Variants in IL1RAPL2 observed in about 807,000 individuals in gnomAD.
IL1RAPL2 encodes the protein interleukin 1 receptor accessory protein like 2, also known as X-linked interleukin-1 receptor accessory protein-like 2.
Under a neutral mutation model 44.1 loss-of-function variants are expected in IL1RAPL2, and 3 were observed. That is an observed-to-expected ratio of 0.07 (90% CI 0.03 to 0.18). The LOEUF (loss-of-function observed/expected upper bound fraction) is 0.18. IL1RAPL2 is among the 10% of genes least tolerant of loss of function. The probability of loss-of-function intolerance (pLI) is 1.00; values close to 1 mark genes in which losing one functional copy is unlikely to be tolerated. For synonymous variants in IL1RAPL2, 181 were observed against 178.8 expected, an observed-to-expected ratio of 1.01 and a Z score of -0.10; for missense variants, 391 against 496.4, an observed-to-expected ratio of 0.79 and a Z score of 2.02.
chrX:105,039,711 A>AT (rs1471655276), intron 2 of IL1RAPL2, among the ~76,000 whole-genome samples: 1 of 111,446 alleles, frequency 9.0e-6, no homozygotes, highest in African/African-American at 3.3e-5. Flanking sequence ...AATGCTTGTG[A>AT]TTTTTTGTAC....
intron 2 of IL1RAPL2, among the ~76,000 whole-genome samples, chrX:105,135,943 C>A (rs947008738): frequency 1.8e-5 from 2 of 111,593 alleles, no homozygotes; most frequent in African/African-American, 6.5e-5. Flanking sequence ...ACTAACTCTG[C>A]ATTTTGGCAC....
chrX:104,940,911 G>C (rs776977820), intron 2 of IL1RAPL2, among the ~76,000 whole-genome samples: 1 of 82,446 alleles, frequency 1.2e-5, no homozygotes, highest in South Asian at 7.0e-4. Flanking sequence ...GGTGTGTGAC[G>C]TTCCCCACCC....
At chrX:104,587,464 C>G (rs1928582662) in intron 1 of IL1RAPL2, among the ~76,000 whole-genome samples, 2 of 111,677 alleles carry the variant, frequency 1.8e-5, no homozygotes, top group Admixed American at 1.9e-4. Context: ...AATCACCCCA[C>G]TCTTAGAAAT....
chrX:105,667,200 T>A (rs770478303), intron 6 of IL1RAPL2, among the ~76,000 whole-genome samples: 11 of 111,810 alleles, frequency 9.8e-5, no homozygotes, highest in African/African-American at 3.6e-4. Flanking sequence ...AGAACAAAAT[T>A]AACGATAGTG....
intron 6 of IL1RAPL2, among the ~76,000 whole-genome samples, chrX:105,576,124 A>C (rs2037048719): frequency 1.8e-5 from 2 of 110,706 alleles, no homozygotes; most frequent in Admixed American, 1.9e-4. Flanking sequence ...TTGTCAGTTT[A>C]CTCTGTTGAT....
chrX:105,700,178 A>T (rs1401438978), intron 6 of IL1RAPL2, among the ~76,000 whole-genome samples: 1 of 111,456 alleles, frequency 9.0e-6, no homozygotes, highest in Non-Finnish European at 1.9e-5. Flanking sequence ...GTTCAGTAAG[A>T]GTCACTTTTT....
intron 2 of IL1RAPL2, among the ~76,000 whole-genome samples, chrX:104,947,849 G>A (rs1925432062): frequency 8.9e-6 from 1 of 112,067 alleles, no homozygotes; most frequent in African/African-American, 3.2e-5. Context: ...GTCAGGTAGT[G>A]TGATGCCTCC....
intron 1 of IL1RAPL2, among the ~76,000 whole-genome samples, chrX:104,655,243 T>G (rs1427275862): frequency 1.8e-5 from 2 of 111,556 alleles, no homozygotes; most frequent in African/African-American, 6.5e-5. Flanking sequence ...GGCATCCCTG[T>G]TGTGCCAGTT....
intron 2 of IL1RAPL2, among the ~76,000 whole-genome samples, chrX:104,997,973 A>C (rs1451567012): frequency 9.0e-6 from 1 of 111,242 alleles, no homozygotes; most frequent in African/African-American, 3.3e-5. Flanking sequence ...TAAATTTAGG[A>C]TTCCTAAGCA....
At chrX:105,265,127 A>G (rs2034392072) in intron 4 of IL1RAPL2, among the ~76,000 whole-genome samples, 1 of 112,315 alleles carries the variant, frequency 8.9e-6, no homozygotes, top group African/African-American at 3.2e-5. Context: ...TTAATTGCAT[A>G]TGGACTTTCC....
chrX:104,906,267 T>C (rs1204045996), intron 2 of IL1RAPL2, among the ~76,000 whole-genome samples: 2 of 111,270 alleles, frequency 1.8e-5, no homozygotes, highest in Non-Finnish European at 1.9e-5. Context: ...CAATTTGACT[T>C]CCTCTTTTCC....
intron 2 of IL1RAPL2, among the ~76,000 whole-genome samples, chrX:105,073,524 T>C (rs1280591889): frequency 9.0e-6 from 1 of 111,004 alleles, no homozygotes; most frequent in Admixed American, 9.7e-5. Flanking sequence ...TGTGTCTTTA[T>C]AGCAGCATGA....
intron 2 of IL1RAPL2, among the ~76,000 whole-genome samples, chrX:105,036,701 A>G (rs1419835949): frequency 8.9e-6 from 1 of 112,131 alleles, no homozygotes; most frequent in East Asian, 2.8e-4. Context: ...AATAACCCAC[A>G]TGTTCAAGAA....
At chrX:105,607,254 C>T (rs2037300179) in intron 6 of IL1RAPL2, among the ~76,000 whole-genome samples, 3 of 110,112 alleles carry the variant, frequency 2.7e-5, no homozygotes, top group African/African-American at 9.9e-5. Context: ...AAAAGCCATA[C>T]AGATAGTTTA....
At chrX:105,316,851 G>C (rs1042763260) in intron 5 of IL1RAPL2, among the ~76,000 whole-genome samples, 1 of 111,220 alleles carries the variant, frequency 9.0e-6, no homozygotes, top group Non-Finnish European at 1.9e-5. Flanking sequence ...GGGAGCGGGG[G>C]AACATTGTTT....
chrX:105,242,489 T>A (rs1191983653), intron 4 of IL1RAPL2, among the ~76,000 whole-genome samples: 2 of 111,770 alleles, frequency 1.8e-5, no homozygotes, highest in Non-Finnish European at 3.8e-5. Context: ...AGTTTTAAAA[T>A]AGCTTTTCTT....
At chrX:105,532,476 T>C (rs912344025) in intron 6 of IL1RAPL2, among the ~76,000 whole-genome samples, 11 of 109,371 alleles carry the variant, frequency 1.0e-4, no homozygotes, top group African/African-American at 3.9e-4. Context: ...GAGTATGTTG[T>C]TTAAAATTTA....
intron 2 of IL1RAPL2, among the ~76,000 whole-genome samples, chrX:105,124,499 CATTTTT>C (rs761094768): frequency 2.8e-4 from 31 of 110,078 alleles, no homozygotes; most frequent in Non-Finnish European, 5.0e-4. Context: ...AATGTTATAA[CATTTTT>C]ATTTTTATTT....
intron 6 of IL1RAPL2, among the ~76,000 whole-genome samples, chrX:105,643,068 A>G (rs145880703): frequency 0.017 from 1,886 of 112,386 alleles, 30 homozygotes; most frequent in African/African-American, 0.059. Context: ...TTCAATGGAT[A>G]AATATTCCTC....
Sources: gnomAD v4.1 joint callset for allele counts (sites outside exome capture counted in the v4.1 genomes callset) on GRCh38, gnomAD v4.1.1 for gene constraint, MANE v1.5 for transcripts, NCBI Gene and HGNC (gene_info 2026-07-23, HGNC 2026-07-21) for gene names.